CNTN1: variants seen among roughly 807,000 people sequenced by gnomAD.
CNTN1 encodes contactin-1.
In CNTN1, 38 loss-of-function variants were observed where a neutral mutation model predicts 126.4. That is an observed-to-expected ratio of 0.30 (90% CI 0.23 to 0.39). The LOEUF (loss-of-function observed/expected upper bound fraction) is 0.39. CNTN1 is among the 10% of genes least tolerant of loss of function. CNTN1 has a pLI of 1.00. For synonymous variants in CNTN1, 413 were observed against 422.6 expected (o/e 0.98, Z 0.28); for missense variants, 1,009 against 1,248.4 (o/e 0.81, Z 2.89).
intron 3 of CNTN1, among the ~76,000 whole-genome samples, chr12:40,914,480 A>G (rs1206832301): frequency 6.6e-6 from 1 of 152,182 alleles, no homozygotes; most frequent in Non-Finnish European, 1.5e-5. Context: ...AGTAATTTCT[A>G]AACCGTCAAA....
intron 23 of CNTN1, among the ~76,000 whole-genome samples, chr12:41,045,353 A>G (rs1949518834): frequency 6.6e-6 from 1 of 152,138 alleles, no homozygotes; most frequent in South Asian, 2.1e-4. Context: ...CTCTTAGGAA[A>G]ATATAAAAAC....
In CNTN1 at chr12:41,027,861, T is replaced by C. The variant is rs1285235791; in HGVS notation, c.2715T>C (p.Pro905=). ...GCATATTACTACTTTTCACAGCTCC[T>C]AGCCAGCCTCCAAGGATCATCAGTT... ...MIEAFTKKAP[P]SQPPRIISSV... is the part of the protein sequence containing the mutation. Residue 905 remains proline (P), a synonymous_variant, in exon 22 of 24, where the codon CCT becomes CCC. Transcript: ENST00000551295. 6.2e-7 allele frequency: 1 copy of C among 1,609,420 alleles called. No individual in the cohort carries two copies. The highest frequency in any genetic ancestry group is 1.7e-5 in the Admixed American group (1 of 59,984).
chr12:40,819,887 C>CA (rs1941390704), intron 1 of CNTN1, among the ~76,000 whole-genome samples: 1 of 152,156 alleles, frequency 6.6e-6, no homozygotes, highest in Non-Finnish European at 1.5e-5. Context: ...GCTCACTCAC[C>CA]ACCTCTCTTG....
In CNTN1 at chr12:40,764,709, C is replaced by A. The variant is rs117569421; in HGVS notation, c.-77+72117C>A. 2.1e-3 allele frequency among the ~76,000 whole-genome samples: 315 copies of A among 152,114 alleles called. 9 individuals are homozygous for A. In the East Asian group the frequency reaches 0.022, roughly 10 times the overall value. On this transcript the variant is annotated intron_variant, in intron 1 of 23. Transcript: ENST00000551295. ...AAACCTGCCTAAATTCTAATAAAGT[C>A]GAGGGAAAAATGTAAGACTGTCTTG...
intron 16 of CNTN1, among the ~76,000 whole-genome samples, chr12:40,985,040 C>G (rs1326618088): frequency 6.6e-6 from 1 of 151,930 alleles, no homozygotes; most frequent in Non-Finnish European, 1.5e-5. Context: ...CTACTTTCAA[C>G]TTGAAGAACT....
At chr12:40,739,202 A>G (rs2136378235) in intron 1 of CNTN1, among the ~76,000 whole-genome samples, 1 of 152,204 alleles carries the variant, frequency 6.6e-6, no homozygotes. Context: ...TGAGCATATT[A>G]ATTTTAATCT....
At position 40,908,505 on chromosome 12, in the gene CNTN1, C is replaced by A. The variant is rs766666613; in HGVS notation, c.61+12C>A. ...TACCTGTTTAGCAGGTAAGAAATATCCTTTGTATATTCTACATATATTATG... is the reference window on the plus strand; with the variant it reads ...TACCTGTTTAGCAGGTAAGAAATATACTTTGTATATTCTACATATATTATG... On this transcript the variant is annotated intron_variant, in intron 2 of 23. Coordinates refer to ENST00000551295, the MANE Select transcript of CNTN1 (RefSeq NM_001843.4). 7.1e-6 allele frequency: 11 copies of A among 1,545,724 alleles called. No homozygotes were observed. Among genetic ancestry groups the A allele is most frequent in the African/African-American group, 2.7e-5 (2 of 73,536 alleles).
intron 15 of CNTN1, chr12:40,979,305 C>T (rs1200466469): frequency 6.6e-6 from 1 of 152,080 alleles, no homozygotes; most frequent in East Asian, 1.9e-4. Flanking sequence ...TTGATCTGCA[C>T]ACACTTTCTT....
At chr12:40,913,414 A>G (rs1214902228) in intron 3 of CNTN1, among the ~76,000 whole-genome samples, 1 of 152,160 alleles carries the variant, frequency 6.6e-6, no homozygotes, top group Non-Finnish European at 1.5e-5. Flanking sequence ...TCCCCACCCA[A>G]TAATCACTGT....
Position 40,947,764 on chromosome 12 carries a change from C to CATAT in CNTN1, c.1683+3610_1683+3613dup, listed in dbSNP as rs34815270. Among the ~76,000 whole-genome samples, 552 of 68,226 alleles carry CATAT rather than the reference C, an allele frequency of 8.1e-3. 8 individuals carry two copies. The highest frequency in any genetic ancestry group is 0.028 in the African/African-American group (432 of 15,352). 44.8% of individuals were successfully genotyped at this position (68,226 alleles called of 152,430 possible). A position where few individuals can be genotyped will look rare whatever the true frequency, so the allele number is the denominator to read the frequency against. ...CCAGTTTTGGAGATTGTCACTATTTCATATATATATATATATATACACACA... is the reference window on the plus strand; with the variant it reads ...CCAGTTTTGGAGATTGTCACTATTTCATATATATATATATATATATATACACACA... On this transcript the variant is annotated intron_variant, in intron 14 of 23. Coordinates refer to ENST00000551295, the MANE Select transcript of CNTN1 (RefSeq NM_001843.4).
chr12:40,908,864 C>A (rs1187339241), intron 2 of CNTN1, among the ~76,000 whole-genome samples: 1 of 151,966 alleles, frequency 6.6e-6, no homozygotes, highest in Non-Finnish European at 1.5e-5. Flanking sequence ...AGTATTTTCA[C>A]CACCCTGATA....
Position 40,924,686 on chromosome 12 carries a change from A to G in CNTN1, c.496+34A>G, listed in dbSNP as rs375966126. On this transcript the variant is annotated intron_variant, in intron 6 of 23. Transcript: ENST00000551295. ...AATTCCTCTCTGACTATTAGCATCT[A>G]TGAAACAAAATGGACAAGTTTCCAT... The G allele has an allele frequency of 1.0e-5, 11 of 1,100,238 alleles. No homozygotes were observed. In the African/African-American group the frequency reaches 1.5e-4, roughly 15 times the overall value. The allele number at this position is 1,100,238 out of a possible 1,614,324, so 68.2% of individuals were successfully genotyped here.
chr12:40,883,842 G>A (rs7305488), intron 1 of CNTN1, among the ~76,000 whole-genome samples: 83,087 of 151,350 alleles, frequency 0.55, 23,497 homozygotes, highest in African/African-American at 0.68. Context: ...ATAAAGTTGT[G>A]AGCATATAAT....
intron 17 of CNTN1, among the ~76,000 whole-genome samples, chr12:41,007,347 A>G (rs1225638651): frequency 6.6e-6 from 1 of 152,068 alleles, no homozygotes; most frequent in East Asian, 1.9e-4. Context: ...GGCGTGAGCC[A>G]CCGCGCCCGG....
At chr12:40,872,766 T>A (rs1161227412) in intron 1 of CNTN1, among the ~76,000 whole-genome samples, 1 of 151,572 alleles carries the variant, frequency 6.6e-6, no homozygotes, top group African/African-American at 2.4e-5. Context: ...TTCACCATAT[T>A]GGTCAGGCTG....
intron 6 of CNTN1, among the ~76,000 whole-genome samples, chr12:40,928,729 T>C (rs1163708898): frequency 6.6e-6 from 1 of 152,098 alleles, no homozygotes; most frequent in Non-Finnish European, 1.5e-5. Flanking sequence ...TTATTCCCAA[T>C]TATGTGAAGC....
intron 1 of CNTN1, among the ~76,000 whole-genome samples, chr12:40,863,615 GAGC>G (rs1477664127): frequency 6.6e-6 from 1 of 152,146 alleles, no homozygotes; most frequent in East Asian, 1.9e-4. Context: ...AGCAGGAGGT[GAGC>G]AGCAGATGTG....
At chr12:40,912,697 T>C (rs17544679) in intron 3 of CNTN1, among the ~76,000 whole-genome samples, 7,429 of 152,274 alleles carry the variant, frequency 0.049, 273 homozygotes, top group Non-Finnish European at 0.074. Context: ...TTCATATATC[T>C]TTACAGTACT....
chr12:40,937,431 C>T (rs1197776117), intron 10 of CNTN1, 139 bp from the exon 11 acceptor site: 2 of 684,086 alleles, frequency 2.9e-6, no homozygotes, highest in Non-Finnish European at 5.3e-6. Flanking sequence ...CCATGAAAAT[C>T]CCACTCAGTT....
Sources: allele counts gnomAD v4.1 joint callset (sites outside exome capture counted in the v4.1 genomes callset), GRCh38; gene constraint gnomAD v4.1.1; transcripts MANE v1.5; gene names NCBI Gene and HGNC (gene_info 2026-07-23, HGNC 2026-07-21).